The following SORBS2 variants were observed in gnomAD, a reference collection of about 807,000 sequenced individuals.
SORBS2 encodes the protein sorbin and SH3 domain-containing protein 2.
SORBS2 carries 46 observed loss-of-function variants against 97.7 expected under a neutral mutation model. The ratio of observed to expected loss-of-function variants is 0.47; its 90% CI spans 0.37 to 0.60. SORBS2 has a LOEUF of 0.60. Among genes scored for constraint, SORBS2 ranks in the 20% least tolerant of loss-of-function variants. The pLI, the probability that SORBS2 is intolerant of heterozygous loss-of-function variation, is 0.00. For missense variants in SORBS2, 1,316 were observed against 1,282.3 expected (o/e 1.03, Z -0.40); for synonymous variants, 476 against 473.4 (o/e 1.01, Z -0.07).
Position 185,851,859 on chromosome 4 carries a change from C to T in SORBS2, c.-337-76493G>A, listed in dbSNP as rs574126104. ...AGACTCAGACTGGCTCTCCTTACCC[C>T]TCAAGCTTACAGACAGCCTATTGTG... On this transcript the variant is annotated intron_variant, in intron 1 of 20. Transcript: ENST00000284776. Among the ~76,000 whole-genome samples, 24 of 152,288 alleles carry T rather than the reference C, an allele frequency of 1.6e-4. No individual in the cohort carries two copies. The South Asian group carries it at 4.6e-3, about 29-fold the overall frequency.
In SORBS2 at chr4:185,797,373, T is replaced by TA. The variant is rs1270168377; in HGVS notation, c.-337-22008dup. On this transcript the variant is annotated intron_variant, in intron 1 of 20. Coordinates refer to the SORBS2 transcript ENST00000284776. ...TTCTTGTGCCCTTCATTTAATTTGA[T>TA]ACTGTTACCAGTTATATATTTTTCA... Among the ~76,000 whole-genome samples the TA allele has an allele frequency of 2.0e-5, 3 of 152,358 alleles. No homozygotes were observed. The East Asian group carries it at 5.8e-4, about 29-fold the overall frequency.
At chr4:185,734,309 C>G (rs551173007) in intron 2 of SORBS2, among the ~76,000 whole-genome samples, 155 bp from the exon 3 acceptor site, 6 of 152,306 alleles carry the variant, frequency 3.9e-5, no homozygotes, top group Admixed American at 3.9e-4. Context: ...TCAGAACAAA[C>G]ACCGCGGAAA....
intron 1 of SORBS2, among the ~76,000 whole-genome samples, chr4:185,836,019 T>C (rs1468822042): frequency 1.3e-5 from 2 of 151,946 alleles, no homozygotes; most frequent in East Asian, 3.8e-4. Context: ...AAGTGAATAT[T>C]CACTTAATAA....
intron 4 of SORBS2, among the ~76,000 whole-genome samples, chr4:185,633,528 C>T (rs374612028): frequency 2.6e-4 from 39 of 150,934 alleles, no homozygotes; most frequent in African/African-American, 9.0e-4. Flanking sequence ...TAAGTTTCTA[C>T]TATTTTTATG....
chr4:185,708,817 T>C (rs1425401415), intron 2 of SORBS2, among the ~76,000 whole-genome samples: 1 of 152,222 alleles, frequency 6.6e-6, no homozygotes, highest in African/African-American at 2.4e-5. Flanking sequence ...TGGAGCGCCT[T>C]TCCAAGATCC....
At chr4:185,943,862 A>G (rs1266857550) in intron 1 of SORBS2, among the ~76,000 whole-genome samples, 1 of 152,178 alleles carries the variant, frequency 6.6e-6, no homozygotes, top group African/African-American at 2.4e-5. Context: ...TGATGCCTAC[A>G]ATTTATTTTC....
intron 12 of SORBS2, among the ~76,000 whole-genome samples, chr4:185,610,273 A>C (rs6552897): frequency 0.66 from 99,654 of 152,030 alleles, 33,643 homozygotes; most frequent in African/African-American, 0.81. Flanking sequence ...TGTGATAGTT[A>C]TTTAAAGATG....
intron 1 of SORBS2, among the ~76,000 whole-genome samples, chr4:185,823,290 C>A (rs1156714699): frequency 6.6e-6 from 1 of 152,146 alleles, no homozygotes; most frequent in Non-Finnish European, 1.5e-5. Flanking sequence ...TGATTGAGAC[C>A]TGTCTCAGAT....
intron 1 of SORBS2, among the ~76,000 whole-genome samples, chr4:185,882,161 T>C (rs2099237224): frequency 6.6e-6 from 1 of 152,158 alleles, no homozygotes; most frequent in Non-Finnish European, 1.5e-5. Context: ...GGAAAAGGTG[T>C]TCTATTCAAA....
intron 1 of SORBS2, among the ~76,000 whole-genome samples, chr4:185,906,723 T>C (rs2099251089): frequency 1.3e-5 from 2 of 152,246 alleles, no homozygotes; most frequent in Admixed American, 1.3e-4. Context: ...TACATGTGAA[T>C]ATGGTATTCT....
chr4:185,882,580 G>C (rs1251600259), intron 1 of SORBS2, among the ~76,000 whole-genome samples: 2 of 152,040 alleles, frequency 1.3e-5, no homozygotes, highest in Admixed American at 1.3e-4. Flanking sequence ...GTAAATATCG[G>C]CAAGTTGATT....
intron 2 of SORBS2, among the ~76,000 whole-genome samples, chr4:185,694,736 TCAC>T (rs2098150099): frequency 8.4e-6 from 1 of 119,194 alleles, no homozygotes; most frequent in Non-Finnish European, 1.8e-5. Flanking sequence ...AGACGGAGTC[TCAC>T]TCTGCCGCCC....
chr4:185,691,488 A>C (rs191137648), intron 2 of SORBS2, among the ~76,000 whole-genome samples: 310 of 152,328 alleles, frequency 2.0e-3, no homozygotes, highest in Non-Finnish European at 3.1e-3. Flanking sequence ...TGACCCTGGC[A>C]CTTTAAAATC....
In SORBS2 at chr4:185,845,858, C is replaced by A. The variant is rs563532417; in HGVS notation, c.-337-70492G>T. Among the ~76,000 whole-genome samples the A allele has an allele frequency of 4.9e-3, 751 of 152,304 alleles. 6 individuals are homozygous for A. The highest frequency in any genetic ancestry group is 0.017 in the African/African-American group (712 of 41,576). ...AGGAAAATGCAAATGAAAACTATTA[C>A]ACACCTTTCAACTGGCCAAAATATA... On this transcript the variant is annotated intron_variant, in intron 1 of 20. Coordinates refer to the SORBS2 transcript ENST00000284776.
At chr4:185,911,467 T>C (rs4862591) in intron 1 of SORBS2, among the ~76,000 whole-genome samples, 114,856 of 151,910 alleles carry the variant, frequency 0.76, 43,512 homozygotes, top group Middle Eastern at 0.84. Context: ...GGGCTCAGTC[T>C]TCCCACCCCA....
At chr4:185,774,468 G>A (rs1303099092) in intron 2 of SORBS2, 2 of 152,154 alleles carry the variant, frequency 1.3e-5, no homozygotes, top group Non-Finnish European at 2.9e-5. Context: ...CACAATCAAA[G>A]TAAATGCTGT....
At chr4:185,716,336 C>T (rs1273150236) in intron 2 of SORBS2, among the ~76,000 whole-genome samples, 1 of 152,214 alleles carries the variant, frequency 6.6e-6, no homozygotes, top group Non-Finnish European at 1.5e-5. Flanking sequence ...CCCACATTTC[C>T]TCCTCTAGAA....
At chr4:185,597,748 G>A (rs9991125) in intron 12 of SORBS2, among the ~76,000 whole-genome samples, 26,188 of 152,126 alleles carry the variant, frequency 0.17, 2,364 homozygotes, top group South Asian at 0.25. Context: ...CGCTTAAGCA[G>A]AGATTTGTAA....
At chr4:185,662,881 T>A (rs2097541608) in intron 4 of SORBS2, among the ~76,000 whole-genome samples, 1 of 152,246 alleles carries the variant, frequency 6.6e-6, no homozygotes, top group African/African-American at 2.4e-5. Flanking sequence ...TCTGTTTGAT[T>A]TCTTAATTAT....
Sources: allele counts gnomAD v4.1 joint callset (sites outside exome capture counted in the v4.1 genomes callset), GRCh38; gene constraint gnomAD v4.1.1; transcripts MANE v1.5; gene names NCBI Gene and HGNC (gene_info 2026-07-23, HGNC 2026-07-21).